The following PCDHGA2 variants were observed in gnomAD, a reference collection of about 807,000 sequenced individuals.
The protein encoded by PCDHGA2 is protocadherin gamma-A2.
A neutral mutation model predicts 59.2 loss-of-function variants in PCDHGA2; 40 were observed. The ratio of observed to expected loss-of-function variants is 0.68; its 90% CI spans 0.52 to 0.88. PCDHGA2 has a LOEUF of 0.88. PCDHGA2 is among the 40% of genes least tolerant of loss of function. The probability of loss-of-function intolerance (pLI) is 0.00; values close to 1 mark genes in which losing one functional copy is unlikely to be tolerated. For synonymous variants in PCDHGA2, 560 were observed against 526.0 expected, an observed-to-expected ratio of 1.06 and a Z score of -0.89; for missense variants, 1,226 against 1,204.0, an observed-to-expected ratio of 1.02 and a Z score of -0.27.
At chr5:141,366,664 G>T (rs1477897734) in intron 1 of PCDHGA2, 2 of 1,614,118 alleles carry the variant, frequency 1.2e-6, no homozygotes, top group African/African-American at 1.3e-5. Context: ...ACGCAGACAC[G>T]CTCCTTAGTG....
chr5:141,356,831 G>A, intron 1 of PCDHGA2: 2 of 1,614,148 alleles, frequency 1.2e-6, no homozygotes, highest in East Asian at 2.2e-5. Flanking sequence ...CCACTCAGCA[G>A]CAATGTGTCA....
intron 1 of PCDHGA2, chr5:141,415,740 G>GTTTTTTTTTTTTTTTTTTTTTTTTTTTTT (rs57426385): frequency 8.0e-6 from 5 of 625,030 alleles, no homozygotes; most frequent in African/African-American, 2.5e-5. Flanking sequence ...GTTTATTAAG[G>GTTTTTTTTTTTTTTTTTTTTTTTTTTTTT]TTTTTTTTTT....
Position 141,477,872 on chromosome 5 carries a change from G to A in PCDHGA2, c.2425-16935G>A. The stretch of plus-strand genomic sequence containing the variant: ...GGAGATGCTGCCTCGAGGTACCTCA[G>A]CTGGCCACCTAGTGTCACGGGTGGT... On this transcript the variant is annotated intron_variant, in intron 1 of 3. Coordinates refer to ENST00000394576, the MANE Select transcript of PCDHGA2 (RefSeq NM_018915.4). This position sits in a 1 kb window ranked among gnomAD's most constrained non-coding sequence, Gnocchi z 4.9. The A allele has an allele frequency of 6.2e-7, 1 of 1,614,180 alleles. No individual in the cohort carries two copies. Among genetic ancestry groups the A allele is most frequent in the African/African-American group, 1.3e-5 (1 of 75,058 alleles).
At chr5:141,360,539 A>T (rs1334168978) in intron 1 of PCDHGA2, 1 of 1,614,000 alleles carries the variant, frequency 6.2e-7, no homozygotes, top group Non-Finnish European at 8.5e-7. Flanking sequence ...CTATTCAAAC[A>T]GACTAAGATT....
chr5:141,365,633 G>A (rs920081153), intron 1 of PCDHGA2: 2 of 1,613,410 alleles, frequency 1.2e-6, no homozygotes, highest in Non-Finnish European at 1.7e-6. Context: ...CCTCTCTACA[G>A]AAAGCCACAT....
chr5:141,404,165 T>G, intron 1 of PCDHGA2: 1 of 1,613,246 alleles, frequency 6.2e-7, no homozygotes, highest in Non-Finnish European at 8.5e-7. Flanking sequence ...TTACAGATTG[T>G]TGACGGCCCA....
chr5:141,506,180 G>T (rs548366782), intron 3 of PCDHGA2, among the ~76,000 whole-genome samples: 44 of 152,294 alleles, frequency 2.9e-4, no homozygotes, highest in Non-Finnish European at 5.7e-4. Context: ...GCTGGGCGTG[G>T]TGGCTCACGC....
intron 1 of PCDHGA2, chr5:141,415,113 C>G: frequency 1.2e-6 from 2 of 1,613,642 alleles, no homozygotes; most frequent in Non-Finnish European, 1.7e-6. Context: ...AGCAAAGCCT[C>G]GTAGTGGCCG....
At position 141,490,169 on chromosome 5, in the gene PCDHGA2, T is replaced by C; in HGVS notation, c.2425-4638T>C. ...ATCCATGTGTTGGGTCCCATAGACT[T>C]TGAGGAGTCACGTTTCTATGAAATT... On this transcript the variant is annotated intron_variant, in intron 1 of 3. Transcript: ENST00000394576. This position sits in a 1 kb window ranked among gnomAD's most constrained non-coding sequence, Gnocchi z 5.4. 6.2e-7 allele frequency: 1 copy of C among 1,614,190 alleles called. No individual in the cohort carries two copies. The highest frequency in any genetic ancestry group is 8.5e-7 in the Non-Finnish European group (1 of 1,180,018).
chr5:141,427,975 C>T lies in PCDHGA2; in HGVS notation c.2425-66832C>T, dbSNP rs757718263. ...AATGTGCCGCGGGTGCTGTACCCCGCGCTGGGGCCCGATGGCTCCGCACTC... is the reference window on the plus strand; with the variant it reads ...AATGTGCCGCGGGTGCTGTACCCCGTGCTGGGGCCCGATGGCTCCGCACTC... On this transcript the variant is annotated intron_variant, in intron 1 of 3. Transcript: ENST00000394576. The T allele has an allele frequency of 1.9e-6, 3 of 1,594,600 alleles. No individual in the cohort carries two copies. In the South Asian group the frequency reaches 3.3e-5, roughly 18 times the overall value.
At chr5:141,372,379 T>TA (rs1390677977) in intron 1 of PCDHGA2, 1 of 1,613,888 alleles carries the variant, frequency 6.2e-7, no homozygotes, top group Non-Finnish European at 8.5e-7. Context: ...ATGCTGCACC[T>TA]AATCTTCGCA....
chr5:141,345,178 T>G (rs751084967), intron 1 of PCDHGA2: 40 of 1,613,768 alleles, frequency 2.5e-5, no homozygotes, highest in Non-Finnish European at 3.3e-5. Context: ...AATGGGCAGG[T>G]TGAAGTTTTT....
intron 1 of PCDHGA2, among the ~76,000 whole-genome samples, chr5:141,438,587 CATACATATATATATATATATATATATAT>C (rs1267620600): frequency 1.4e-5 from 1 of 73,428 alleles, no homozygotes; most frequent in Non-Finnish European, 2.6e-5. Context: ...TACATACATA[CATACATATATATATATATATATATATAT>C]ATATATATAT....
In PCDHGA2 at chr5:141,491,771, G is replaced by C. The variant is rs760915700; in HGVS notation, c.2425-3036G>C. ...GGAGAAGCCGCCCGTCCTCATAAGG[G>C]ATTGAACTTGCATCCACTCCTCTCC... On this transcript the variant is annotated intron_variant, in intron 1 of 3. Coordinates refer to ENST00000394576, the MANE Select transcript of PCDHGA2 (RefSeq NM_018915.4). The surrounding 1 kb of genome is among the most constrained non-coding windows in gnomAD (Gnocchi z 6.9). 6.4e-7 allele frequency: 1 copy of C among 1,558,290 alleles called. No individual in the cohort carries two copies. Among genetic ancestry groups the C allele is most frequent in the Non-Finnish European group, 8.7e-7 (1 of 1,153,586 alleles).
intron 2 of PCDHGA2, among the ~76,000 whole-genome samples, chr5:141,499,182 C>T (rs980293990): frequency 5.3e-5 from 8 of 152,114 alleles, no homozygotes; most frequent in African/African-American, 1.7e-4. Flanking sequence ...GCCCAGCAAA[C>T]CATTTCCCCC....
intron 1 of PCDHGA2, chr5:141,384,104 A>C: frequency 1.2e-6 from 2 of 1,601,040 alleles, no homozygotes; most frequent in Non-Finnish European, 8.5e-7. Context: ...GATAATTATT[A>C]TAGATTGGTC....
intron 1 of PCDHGA2, chr5:141,366,262 G>A: frequency 6.2e-7 from 1 of 1,613,718 alleles, no homozygotes; most frequent in Non-Finnish European, 8.5e-7. Flanking sequence ...GCCTCGTGGT[G>A]GCCGTCGAAG....
At chr5:141,421,789 G>A (rs756677817) in intron 1 of PCDHGA2, 5 of 1,613,830 alleles carry the variant, frequency 3.1e-6, no homozygotes, top group East Asian at 2.2e-5. Context: ...GGGCAGAACG[G>A]ATGGGGCCAA....
chr5:141,430,830 G>C, intron 1 of PCDHGA2: 1 of 1,554,968 alleles, frequency 6.4e-7, no homozygotes, highest in Non-Finnish European at 8.7e-7. Context: ...GGGACTCTGT[G>C]GGAGACCGGA....
Sources: gnomAD v4.1 joint callset for allele counts (sites outside exome capture counted in the v4.1 genomes callset) on GRCh38, gnomAD v4.1.1 for gene constraint, Gnocchi (gnomAD v3.1) non-coding constraint, MANE v1.5 for transcripts, NCBI Gene and HGNC (gene_info 2026-07-23, HGNC 2026-07-21) for gene names.